AR: variants seen among roughly 807,000 people sequenced by gnomAD.
AR encodes androgen receptor, also known as dihydrotestosterone receptor.
Under a neutral mutation model 53.9 loss-of-function variants are expected in AR, and 8 were observed. The ratio of observed to expected loss-of-function variants is 0.15; its 90% CI spans 0.09 to 0.27. The LOEUF is 0.27. Ranked by LOEUF, AR falls within the 10% of genes least tolerant of loss-of-function variation. The pLI, the probability that AR is intolerant of heterozygous loss-of-function variation, is 1.00. For synonymous variants in AR, 359 were observed against 316.4 expected (o/e 1.13, Z -1.43); for missense variants, 639 against 742.5 (o/e 0.86, Z 1.62).
At chrX:67,630,736 G>A (rs1199082730) in intron 1 of AR, among the ~76,000 whole-genome samples, 2 of 110,548 alleles carry the variant, frequency 1.8e-5, no homozygotes, top group East Asian at 2.9e-4. Flanking sequence ...TCCTAGTCTC[G>A]ATGGTCTTTA....
intron 1 of AR, among the ~76,000 whole-genome samples, chrX:67,598,618 T>G (rs960704242): frequency 1.8e-5 from 2 of 111,199 alleles, no homozygotes; most frequent in Non-Finnish European, 3.8e-5. Context: ...AAGTAATGTT[T>G]GGTTTTGTTT....
intron 1 of AR, among the ~76,000 whole-genome samples, chrX:67,617,094 G>A (rs1329773934): frequency 8.9e-6 from 1 of 111,762 alleles, no homozygotes; most frequent in Non-Finnish European, 1.9e-5. Flanking sequence ...AGGTATATAA[G>A]CCAAGCTCTT....
At chrX:67,717,155 C>A (rs1256380593) in intron 4 of AR, among the ~76,000 whole-genome samples, 1 of 111,601 alleles carries the variant, frequency 9.0e-6, no homozygotes, top group East Asian at 2.9e-4. Flanking sequence ...AAAGAGCAAT[C>A]CAATAGCAAA....
Position 67,730,371 on chromosome X carries a change from A to AT in AR, c.*6532dup. ...GGAATCTTTTGTTGCTCTAAATACA[A>AT]TTAAAAATGGCAGAAACTTGTTTGT... On this transcript the variant is annotated 3_prime_UTR_variant, in exon 8 of 8. Coordinates refer to ENST00000374690, the MANE Select transcript of AR (RefSeq NM_000044.6). 1 of 174,507 alleles carries AT rather than the reference A, an allele frequency of 5.7e-6. No homozygotes were observed. The highest frequency in any genetic ancestry group is 1.1e-5 in the Non-Finnish European group (1 of 90,941). The allele number at this position is 174,507 out of a possible 1,213,427, so 14.4% of individuals were successfully genotyped here.
In AR at chrX:67,711,490, G is replaced by A. The variant is rs2076093608; in HGVS notation, c.1974G>A (p.Gln658=). ...STTSPTEETT[Q]KLTVSHIEGY... is the part of the protein sequence containing the mutation. ...CCAGCCCCACTGAGGAGACAACCCA[G>A]AAGCTGACAGTGTCACACATTGAAG... Residue 658 remains glutamine (Q), a synonymous_variant, in exon 4 of 8, where the codon CAG becomes CAA. Transcript: ENST00000374690. 5.0e-6 allele frequency: 6 copies of A among 1,210,559 alleles called. No individual in the cohort carries two copies. Among genetic ancestry groups the A allele is most frequent in the Non-Finnish European group, 6.7e-6 (6 of 894,980 alleles).
chrX:67,595,859 G>T (rs773841338), intron 1 of AR, among the ~76,000 whole-genome samples: 28 of 111,258 alleles, frequency 2.5e-4, no homozygotes, highest in Non-Finnish European at 5.1e-4. Flanking sequence ...ACCTTGAAAA[G>T]CTTATAAATG....
At chrX:67,570,968 G>A (rs1004827227) in intron 1 of AR, among the ~76,000 whole-genome samples, 1 of 110,332 alleles carries the variant, frequency 9.1e-6, no homozygotes, top group African/African-American at 3.3e-5. Context: ...GAGTGCACAG[G>A]AAATGGAGAG....
intron 2 of AR, among the ~76,000 whole-genome samples, chrX:67,680,485 G>A (rs1009088880): frequency 8.9e-6 from 1 of 111,901 alleles, no homozygotes. Context: ...CAGGAATATG[G>A]TACAACTTTG....
At chrX:67,679,832 A>G (rs2075922594) in intron 2 of AR, among the ~76,000 whole-genome samples, 1 of 111,795 alleles carries the variant, frequency 8.9e-6, no homozygotes, top group Non-Finnish European at 1.9e-5. Flanking sequence ...CTTGATGCTA[A>G]TAATTATTCT....
chrX:67,593,387 GCT>G (rs1922926884), intron 1 of AR, among the ~76,000 whole-genome samples: 1 of 97,800 alleles, frequency 1.0e-5, no homozygotes, highest in African/African-American at 3.8e-5. Context: ...ACAGAGTCTT[GCT>G]CTGTCACCAG....
At chrX:67,628,878 G>A (rs1418690300) in intron 1 of AR, among the ~76,000 whole-genome samples, 1 of 111,488 alleles carries the variant, frequency 9.0e-6, no homozygotes, top group Non-Finnish European at 1.9e-5. Flanking sequence ...GGCCTTTTCT[G>A]CATCTATTGA....
rs140122575 is a variant in AR, at chrX:67,610,863, G to A, written c.1617-32393G>A. On this transcript the variant is annotated intron_variant, in intron 1 of 7. Coordinates refer to ENST00000374690, the MANE Select transcript of AR (RefSeq NM_000044.6). ...GGTGTTTAAGATGAATGGTTCTGGA[G>A]CCAGACTACTTTGGATTGAATATTG... Among the ~76,000 whole-genome samples, 803 of 111,309 alleles carry A rather than the reference G, an allele frequency of 7.2e-3. 4 individuals are homozygous for A. The highest frequency in any genetic ancestry group is 8.9e-3 in the Non-Finnish European group (473 of 52,964).
chrX:67,694,840 T>C, intron 3 of AR: 2 of 1,096,726 alleles, frequency 1.8e-6, no homozygotes, highest in Admixed American at 3.3e-5. Flanking sequence ...ACACAGACTT[T>C]GACGTTGGGG....
intron 1 of AR, among the ~76,000 whole-genome samples, chrX:67,615,461 C>T (rs1422303645): frequency 9.0e-6 from 1 of 110,517 alleles, no homozygotes; most frequent in Non-Finnish European, 1.9e-5. Flanking sequence ...AGTCAAGAAT[C>T]ATATATTCAA....
At chrX:67,602,076 G>A (rs1461930438) in intron 1 of AR, among the ~76,000 whole-genome samples, 1 of 112,136 alleles carries the variant, frequency 8.9e-6, no homozygotes, top group Non-Finnish European at 1.9e-5. Flanking sequence ...GTTGGAGACA[G>A]AACCATAACC....
At chrX:67,645,927 T>G (rs2147440543) in intron 2 of AR, among the ~76,000 whole-genome samples, 1 of 112,132 alleles carries the variant, frequency 8.9e-6, no homozygotes, top group Non-Finnish European at 1.9e-5. Flanking sequence ...TTACAATGCA[T>G]CTTTATCGCC....
At chrX:67,695,943 C>T (rs2076018549) in intron 3 of AR, 1 of 751,312 alleles carries the variant, frequency 1.3e-6, no homozygotes, top group South Asian at 6.9e-5. Flanking sequence ...GAATTTTAAT[C>T]TCCAGACCAA....
chrX:67,664,787 T>G (rs1467344530), intron 2 of AR, among the ~76,000 whole-genome samples: 1 of 112,379 alleles, frequency 8.9e-6, no homozygotes, highest in East Asian at 2.8e-4. Flanking sequence ...CCCAGCTGCT[T>G]TGTTTACCTA....
intron 2 of AR, among the ~76,000 whole-genome samples, chrX:67,679,998 A>C (rs1404427370): frequency 1.8e-5 from 2 of 111,801 alleles, no homozygotes; most frequent in Non-Finnish European, 3.8e-5. Flanking sequence ...AAATTTTGAA[A>C]TTTTCCTCTG....
Sources: allele counts gnomAD v4.1 joint callset (sites outside exome capture counted in the v4.1 genomes callset), GRCh38; gene constraint gnomAD v4.1.1; transcripts MANE v1.5; gene names NCBI Gene and HGNC (gene_info 2026-07-23, HGNC 2026-07-21).